Variants in IMMP2L observed in about 807,000 individuals in gnomAD.
IMMP2L encodes mitochondrial inner membrane protease subunit 2.
A neutral mutation model predicts 19.3 loss-of-function variants in IMMP2L; 18 were observed. The ratio of observed to expected loss-of-function variants is 0.93; its 90% CI spans 0.64 to 1.38. IMMP2L has a LOEUF of 1.38. Ranked by LOEUF, IMMP2L falls within the 40% of genes most tolerant of loss-of-function variation. The pLI is 0.00. For missense variants in IMMP2L, 233 were observed against 218.2 expected (o/e 1.07, Z -0.43); for synonymous variants, 76 against 73.0 (o/e 1.04, Z -0.21).
chr7:111,400,637 C>T (rs1584955409), intron 3 of IMMP2L, among the ~76,000 whole-genome samples: 1 of 152,108 alleles, frequency 6.6e-6, no homozygotes, highest in African/African-American at 2.4e-5. Context: ...TTTTACTGTA[C>T]CTTCCCCATG....
intron 3 of IMMP2L, among the ~76,000 whole-genome samples, chr7:111,459,866 A>G (rs1201432286): frequency 1.3e-5 from 2 of 152,194 alleles, no homozygotes; most frequent in African/African-American, 4.8e-5. Flanking sequence ...CTAAGAAAGA[A>G]TATGGAGCAA....
chr7:111,281,257 GAAAGAGAGAGAGAA>G (rs1819841522), intron 3 of IMMP2L, among the ~76,000 whole-genome samples: 1 of 136,156 alleles, frequency 7.3e-6, no homozygotes, highest in Admixed American at 7.2e-5. Context: ...GAGAGAGAGA[GAAAGAGAGAGAGAA>G]AGAAAGAGAA....
intron 5 of IMMP2L, among the ~76,000 whole-genome samples, chr7:110,837,763 G>C (rs1412496416): frequency 6.6e-6 from 1 of 152,134 alleles, no homozygotes; most frequent in Non-Finnish European, 1.5e-5. Context: ...GGCAGGAAGG[G>C]TAATGTTTAC....
chr7:111,445,538 T>A (rs7807396), intron 3 of IMMP2L, among the ~76,000 whole-genome samples: 1 of 152,036 alleles, frequency 6.6e-6, no homozygotes, highest in African/African-American at 2.4e-5. Context: ...AACGAAACTT[T>A]AAAGGACTAA....
rs564873868 is a variant in IMMP2L at position 111,445,889 on chromosome 7, A to C, written c.239+41349T>G. 2.6e-4 allele frequency among the ~76,000 whole-genome samples: 40 copies of C among 152,312 alleles called. 1 individual carries two copies. In the South Asian group the frequency reaches 5.8e-3, roughly 22 times the overall value. ...CCGAAGCAGGGCGAGGCATTGCCTC[A>C]CCTGGGAAGCGCAAGGGGTCAGGGA... On this transcript the variant is annotated intron_variant, in intron 3 of 5. Coordinates refer to ENST00000405709, the MANE Select transcript of IMMP2L (RefSeq NM_032549.4).
intron 3 of IMMP2L, among the ~76,000 whole-genome samples, chr7:111,306,743 A>G (rs935917019): frequency 9.2e-5 from 14 of 151,658 alleles, no homozygotes; most frequent in African/African-American, 2.7e-4. Flanking sequence ...AGCAATCTTT[A>G]GAGACTCTTT....
chr7:110,762,312 C>T (rs1308573117), intron 5 of IMMP2L, among the ~76,000 whole-genome samples: 1 of 151,850 alleles, frequency 6.6e-6, no homozygotes, highest in Non-Finnish European at 1.5e-5. Context: ...TGAATTATAA[C>T]TACAAAATTT....
chr7:110,887,417 T>C (rs938602979), intron 4 of IMMP2L, among the ~76,000 whole-genome samples: 4 of 152,094 alleles, frequency 2.6e-5, no homozygotes, highest in Non-Finnish European at 5.9e-5. Flanking sequence ...AATGGTATAA[T>C]GTTTTTCCCT....
At chr7:110,963,131 T>C in intron 4 of IMMP2L, 1 of 1,475,092 alleles carries the variant, frequency 6.8e-7, no homozygotes, top group Non-Finnish European at 9.0e-7. Flanking sequence ...TGCATTTGCT[T>C]CTAAAATAGT....
chr7:111,013,605 G>C (rs1825200285), intron 3 of IMMP2L, among the ~76,000 whole-genome samples: 1 of 151,994 alleles, frequency 6.6e-6, no homozygotes. Flanking sequence ...GTGCAAGCAG[G>C]TTATGTTCAC....
chr7:111,390,987 CAACT>C (rs1406758988), intron 3 of IMMP2L, among the ~76,000 whole-genome samples: 3 of 152,108 alleles, frequency 2.0e-5, no homozygotes, highest in African/African-American at 7.2e-5. Context: ...AAAATATATT[CAACT>C]AACATAAAAC....
intron 4 of IMMP2L, among the ~76,000 whole-genome samples, chr7:110,945,541 T>C (rs1412800091): frequency 2.0e-5 from 3 of 151,990 alleles, no homozygotes; most frequent in African/African-American, 7.2e-5. Flanking sequence ...GATCCACCCC[T>C]GTACCCCGGA....
chr7:110,890,100 C>T (rs1004301825), intron 4 of IMMP2L, among the ~76,000 whole-genome samples: 4 of 152,142 alleles, frequency 2.6e-5, no homozygotes, highest in Admixed American at 1.3e-4. Context: ...ACCTGAACTA[C>T]GCTTCAGTAA....
At chr7:111,370,654 CA>C (rs1224557144) in intron 3 of IMMP2L, among the ~76,000 whole-genome samples, 1 of 151,912 alleles carries the variant, frequency 6.6e-6, no homozygotes, top group Non-Finnish European at 1.5e-5. Context: ...GCACTACCAT[CA>C]AAATCCCGTT....
intron 3 of IMMP2L, among the ~76,000 whole-genome samples, chr7:111,347,793 T>C (rs868252296): frequency 6.6e-6 from 1 of 152,180 alleles, no homozygotes; most frequent in East Asian, 1.9e-4. Context: ...CTACTCAATC[T>C]TTCAAGGCCC....
intron 3 of IMMP2L, among the ~76,000 whole-genome samples, chr7:111,403,539 T>C (rs1007433596): frequency 5.9e-5 from 9 of 151,916 alleles, no homozygotes; most frequent in Admixed American, 1.3e-4. Flanking sequence ...ATGTACCAGG[T>C]TGGTACAATC....
intron 3 of IMMP2L, among the ~76,000 whole-genome samples, chr7:111,474,405 A>G (rs947702106): frequency 6.6e-6 from 1 of 152,054 alleles, no homozygotes; most frequent in Non-Finnish European, 1.5e-5. Flanking sequence ...ATAACTAAAA[A>G]CATCACTTCT....
At chr7:111,031,177 C>T (rs975973925) in intron 3 of IMMP2L, among the ~76,000 whole-genome samples, 40 of 151,944 alleles carry the variant, frequency 2.6e-4, no homozygotes, top group Admixed American at 1.1e-3. Flanking sequence ...TGTATTTCTT[C>T]GTTCTGTCAG....
intron 3 of IMMP2L, among the ~76,000 whole-genome samples, chr7:111,151,047 A>G (rs1169860539): frequency 6.6e-6 from 1 of 152,202 alleles, no homozygotes; most frequent in Admixed American, 6.5e-5. Flanking sequence ...GGGATTCTTG[A>G]GCAAGCTGGC....
Sources: allele counts gnomAD v4.1 joint callset (sites outside exome capture counted in the v4.1 genomes callset), GRCh38; gene constraint gnomAD v4.1.1; transcripts MANE v1.5; gene names NCBI Gene and HGNC (gene_info 2026-07-23, HGNC 2026-07-21).